The following TMEM196 variants were observed in gnomAD, a reference collection of about 807,000 sequenced individuals.
TMEM196 encodes the protein transmembrane protein 196.
A neutral mutation model predicts 20.0 loss-of-function variants in TMEM196; 17 were observed. That is an observed-to-expected ratio of 0.85 (90% confidence interval 0.58 to 1.27). The LOEUF (loss-of-function observed/expected upper bound fraction) is 1.27, where lower values mean the gene tolerates loss of function less well. Among genes scored for constraint, TMEM196 ranks in the 50% most tolerant of loss-of-function variants. TMEM196 has a pLI of 0.00. For missense variants in TMEM196, 267 were observed against 223.0 expected (o/e 1.20, Z -1.26); for synonymous variants, 113 against 88.9 (o/e 1.27, Z -1.52).
intron 2 of TMEM196, among the ~76,000 whole-genome samples, chr7:19,726,634 TA>T (rs913431993): frequency 6.6e-5 from 10 of 151,966 alleles, no homozygotes; most frequent in African/African-American, 2.4e-4. Context: ...TTAATAGAGC[TA>T]GGGGGGTTTA....
intron 1 of TMEM196, among the ~76,000 whole-genome samples, chr7:19,758,075 A>G (rs1785288423): frequency 6.6e-6 from 1 of 152,072 alleles, no homozygotes; most frequent in Admixed American, 6.6e-5. Context: ...AAATGTTAAT[A>G]GCCTAATGAC....
intron 3 of TMEM196, 122 bp downstream of exon 3, chr7:19,725,392 A>G (rs888503462): frequency 2.3e-6 from 3 of 1,306,024 alleles, no homozygotes; most frequent in African/African-American, 2.9e-5. Flanking sequence ...TTAACCCAAT[A>G]GAGCCAAATG....
At chr7:19,730,126 G>A (rs972067072) in intron 1 of TMEM196, among the ~76,000 whole-genome samples, 1 of 152,076 alleles carries the variant, frequency 6.6e-6, no homozygotes, top group Non-Finnish European at 1.5e-5. Context: ...CGTGGTGGCA[G>A]GCGCCTATGA....
chr7:19,721,873 A>G lies in TMEM196; in HGVS notation c.*255T>C, dbSNP rs1783824491. 1 of 516,052 alleles carries G rather than the reference A, an allele frequency of 1.9e-6. No individual in the cohort carries two copies. The highest frequency in any genetic ancestry group is 3.4e-6 in the Non-Finnish European group (1 of 296,164). The allele number at this position is 516,052 out of a possible 1,614,324, so 32.0% of individuals were successfully genotyped here. ...CTGGAAAGCCTCTTGAAATTATTGT[A>G]CTAGAATGTTTCTGGAAAGTTTTTT... On this transcript the variant is annotated 3_prime_UTR_variant, in exon 5 of 5. Coordinates refer to ENST00000405844, the MANE Select transcript of TMEM196 (RefSeq NM_001363562.2).
At chr7:19,745,265 C>T (rs916267775) in intron 1 of TMEM196, among the ~76,000 whole-genome samples, 2 of 151,952 alleles carry the variant, frequency 1.3e-5, no homozygotes, top group Non-Finnish European at 2.9e-5. Context: ...TTTAAAAAAT[C>T]TGCAGTTGGT....
intron 1 of TMEM196, among the ~76,000 whole-genome samples, chr7:19,764,211 T>A (rs1333717098): frequency 6.6e-6 from 1 of 152,200 alleles, no homozygotes; most frequent in Non-Finnish European, 1.5e-5. Context: ...AGGATGTACA[T>A]CTCAGAACCC....
intron 1 of TMEM196, among the ~76,000 whole-genome samples, chr7:19,757,285 C>A (rs1785256721): frequency 6.9e-6 from 1 of 145,242 alleles, no homozygotes; most frequent in African/African-American, 2.5e-5. Context: ...GCGATTCTCT[C>A]ATCTCAGCCA....
At chr7:19,760,136 C>T (rs1327785143) in intron 1 of TMEM196, among the ~76,000 whole-genome samples, 2 of 152,032 alleles carry the variant, frequency 1.3e-5, no homozygotes, top group African/African-American at 2.4e-5. Context: ...ACTTCAGTCA[C>T]CCTGGACTTC....
intron 1 of TMEM196, among the ~76,000 whole-genome samples, chr7:19,731,441 A>C (rs1035513169): frequency 6.6e-6 from 1 of 152,182 alleles, no homozygotes; most frequent in African/African-American, 2.4e-5. Context: ...GGCAGTGCTC[A>C]AGAAATTCCA....
chr7:19,741,711 T>C (rs1784586107), intron 1 of TMEM196, among the ~76,000 whole-genome samples: 1 of 152,162 alleles, frequency 6.6e-6, no homozygotes, highest in African/African-American at 2.4e-5. Context: ...ACTTTTGCAC[T>C]GAGTGATGAT....
intron 1 of TMEM196, among the ~76,000 whole-genome samples, chr7:19,759,233 ACT>A (rs1361669851): frequency 1.3e-5 from 2 of 152,076 alleles, no homozygotes; most frequent in East Asian, 3.9e-4. Flanking sequence ...TACTTCAGCT[ACT>A]CTTGCAAAAG....
intron 1 of TMEM196, among the ~76,000 whole-genome samples, chr7:19,739,101 T>C (rs759141610): frequency 6.6e-6 from 1 of 152,124 alleles, no homozygotes; most frequent in East Asian, 1.9e-4. Flanking sequence ...ACTTGTGTTA[T>C]ACATTGGAGC....
intron 1 of TMEM196, among the ~76,000 whole-genome samples, chr7:19,732,515 G>A (rs2128017737): frequency 6.6e-6 from 1 of 150,708 alleles, no homozygotes; most frequent in East Asian, 1.9e-4. Context: ...GGAGCTTGCA[G>A]TGAGCCGAGA....
At chr7:19,760,630 G>T (rs1161096147) in intron 1 of TMEM196, among the ~76,000 whole-genome samples, 1 of 151,668 alleles carries the variant, frequency 6.6e-6, no homozygotes, top group Non-Finnish European at 1.5e-5. Context: ...CAAAATGCTG[G>T]GATTATAGGC....
intron 1 of TMEM196, among the ~76,000 whole-genome samples, chr7:19,757,474 T>G (rs2128035055): frequency 6.7e-6 from 1 of 149,982 alleles, no homozygotes; most frequent in Non-Finnish European, 1.5e-5. Context: ...ACTCCTAACC[T>G]CAATTGATCC....
intron 1 of TMEM196, among the ~76,000 whole-genome samples, chr7:19,736,354 TATATATATATATATATATATATA>T (rs1784402942): frequency 2.3e-5 from 2 of 88,046 alleles, no homozygotes; most frequent in Non-Finnish European, 5.9e-5. Context: ...TGGTTCCTAC[TATATATATATATATATATATATA>T]TATATATATA....
intron 1 of TMEM196, among the ~76,000 whole-genome samples, chr7:19,752,115 T>C (rs1388729346): frequency 6.6e-6 from 1 of 152,218 alleles, no homozygotes; most frequent in Non-Finnish European, 1.5e-5. Context: ...TCCAAGAAAC[T>C]AAAGAATAAC....
chr7:19,770,907 C>T (rs1202126030), intron 1 of TMEM196, among the ~76,000 whole-genome samples: 1 of 151,894 alleles, frequency 6.6e-6, no homozygotes, highest in Non-Finnish European at 1.5e-5. Flanking sequence ...TTGATATTAT[C>T]TAGGGAAAAC....
chr7:19,733,394 T>C (rs1045923628), intron 1 of TMEM196, among the ~76,000 whole-genome samples: 1 of 152,168 alleles, frequency 6.6e-6, no homozygotes, highest in African/African-American at 2.4e-5. Context: ...GACAATGAGA[T>C]AACTTCAATT....
Sources: allele counts gnomAD v4.1 joint callset (sites outside exome capture counted in the v4.1 genomes callset), GRCh38; gene constraint gnomAD v4.1.1; transcripts MANE v1.5; gene names NCBI Gene and HGNC (gene_info 2026-07-23, HGNC 2026-07-21).